Variants in ZBTB48 observed in about 807,000 individuals in gnomAD.
The protein encoded by ZBTB48 is zinc finger and BTB domain-containing protein 48.
ZBTB48 carries 35 observed loss-of-function variants against 64.5 expected under a neutral mutation model. The observed-to-expected ratio is 0.54, with a 90% confidence interval of 0.41 to 0.72. The LOEUF (loss-of-function observed/expected upper bound fraction) is 0.72, where lower values mean the gene tolerates loss of function less well. ZBTB48 is among the 30% of genes least tolerant of loss of function. The pLI is 0.00. For synonymous variants in ZBTB48, 442 were observed against 356.7 expected (o/e 1.24, Z -2.70); for missense variants, 828 against 895.3 (o/e 0.92, Z 0.96).
Position 6,580,521 on chromosome 1 carries a change from T to C in ZBTB48, c.-69-20T>C, listed in dbSNP as rs543008161. 11 of 1,398,352 alleles carry C rather than the reference T, an allele frequency of 7.9e-6. No individual in the cohort carries two copies. The South Asian group carries it at 1.5e-4, about 19-fold the overall frequency. 86.6% of individuals were successfully genotyped at this position (1,398,352 alleles called of 1,614,324 possible). A position where few individuals can be genotyped will look rare whatever the true frequency, so the allele number is the denominator to read the frequency against. On this transcript the variant is annotated intron_variant, in intron 1 of 10. Transcript: ENST00000377674. The surrounding 1 kb of genome is among the most constrained non-coding windows in gnomAD (Gnocchi z 5.2). ...TATTTGAGTAGAGGCCAACTTCCCGTTTCTCTCTCTTGACTCCAGGAGCTT... is the reference window on the plus strand; with the variant it reads ...TATTTGAGTAGAGGCCAACTTCCCGCTTCTCTCTCTTGACTCCAGGAGCTT...
intron 7 of ZBTB48, 70 bp downstream of exon 7, chr1:6,587,702 CAG>C (rs915875752): frequency 6.3e-6 from 10 of 1,588,012 alleles, no homozygotes; most frequent in South Asian, 3.4e-5. Context: ...GCAGGGAAGA[CAG>C]AGTTTGCTGA....
Position 6,580,399 on chromosome 1 carries a change from C to G in ZBTB48, c.-69-142C>G, listed in dbSNP as rs1640393309. On this transcript the variant is annotated intron_variant, in intron 1 of 10. Transcript: ENST00000377674. The surrounding 1 kb of genome is among the most constrained non-coding windows in gnomAD (Gnocchi z 5.2). Reference sequence around the variant, plus strand: ...CATCCAGCATCCCCCCTGGCCAATCCAATATGGCCCCCGGCCCCCGGGAGG... The same window carrying G: ...CATCCAGCATCCCCCCTGGCCAATCGAATATGGCCCCCGGCCCCCGGGAGG... The G allele has an allele frequency of 1.6e-6, 1 of 607,386 alleles. No individual in the cohort carries two copies. The highest frequency in any genetic ancestry group is 3.0e-5 in the Admixed American group (1 of 33,628). The allele number at this position is 607,386 out of a possible 1,614,324, so 37.6% of individuals were successfully genotyped here.
rs112580327 is a variant in ZBTB48 at position 6,588,737 on chromosome 1, G to C, written c.1682-19G>C. 775 of 1,613,832 alleles carry C rather than the reference G, an allele frequency of 4.8e-4. 2 individuals carry two copies. The African/African-American group carries it at 8.2e-3, about 17-fold the overall frequency. ...CCGGGGCTCCTGCATGATCCCCCAC[G>C]GTGTTCTCCCTCTTGCAGCCGTGGA... On this transcript the variant is annotated intron_variant, in intron 9 of 10. Transcript: ENST00000377674.
At chr1:6,581,421 G>A in intron 2 of ZBTB48, 122 bp downstream of exon 2, 1 of 1,117,706 alleles carries the variant, frequency 8.9e-7, no homozygotes, top group African/African-American at 1.6e-5. Context: ...TAGCACTTTG[G>A]GAGGCCAAGG....
At position 6,585,902 on chromosome 1, in the gene ZBTB48, G is replaced by A; in HGVS notation, c.933-17G>A. The A allele has an allele frequency of 2.5e-6, 4 of 1,613,308 alleles. No individual in the cohort carries two copies. In the South Asian group the frequency reaches 4.4e-5, roughly 18 times the overall value. ...AAACCCTCTCAGCCCCCCCACCCCT[G>A]TGGCTTCTCCTGGCAGGAAACATAC... On this transcript the variant is annotated splice_polypyrimidine_tract_variant and intron_variant, in intron 3 of 10. Transcript: ENST00000377674.
Position 6,587,481 on chromosome 1 carries a change from C to A in ZBTB48, c.1228C>A (p.Pro410Thr), listed in dbSNP as rs1557426661. 1.2e-6 allele frequency: 2 copies of A among 1,613,882 alleles called. No homozygotes were observed. The highest frequency in any genetic ancestry group is 1.7e-5 in the Admixed American group (1 of 60,022). ...LHGAPKPHAC[P>T]TCAKCFLSRT... ...TGCCTGCCTGGTCTGCCTGCAGTGC[C>A]CCACCTGTGCCAAGTGCTTCCTGTC... The change falls in exon 7 of 11, where the codon CCC becomes ACC. Residue 410 changes from proline (P) to threonine (T), a missense_variant. By Grantham distance (38) the Pro-to-Thr change is conservative. Coordinates refer to ENST00000377674, the MANE Select transcript of ZBTB48 (RefSeq NM_005341.4).
chr1:6,587,755 T>C, intron 7 of ZBTB48, 123 bp downstream of exon 7: 1 of 1,459,988 alleles, frequency 6.8e-7, no homozygotes, highest in South Asian at 1.3e-5. Flanking sequence ...CCACCCTGAA[T>C]CTAGTGCCTA....
chr1:6,583,580 T>G (rs1478172105), intron 3 of ZBTB48, among the ~76,000 whole-genome samples: 1 of 150,966 alleles, frequency 6.6e-6, no homozygotes, highest in Non-Finnish European at 1.5e-5. Context: ...ACTACAGGCA[T>G]GAGCCACTGC....
At chr1:6,583,730 A>G (rs1370709875) in intron 3 of ZBTB48, among the ~76,000 whole-genome samples, 1 of 147,508 alleles carries the variant, frequency 6.8e-6, no homozygotes, top group Non-Finnish European at 1.5e-5. Flanking sequence ...CCTCCTCAGT[A>G]GCTGGGACTA....
At chr1:6,586,449 G>A in intron 4 of ZBTB48, 3 of 717,930 alleles carry the variant, frequency 4.2e-6, no homozygotes, top group Non-Finnish European at 6.3e-6. Flanking sequence ...GCCAGGGACT[G>A]TGGGTGAGGC....
In ZBTB48 at chr1:6,589,272, A is replaced by C. The variant is rs1640797487; in HGVS notation, c.*60A>C. On this transcript the variant is annotated 3_prime_UTR_variant, in exon 11 of 11. Transcript: ENST00000377674. ...CCCTCAATAAACCGTGTGGCTTTGG[A>C]CTCTCGTATTTCAGCCTGACAGTCT... 1 of 1,457,458 alleles carries C rather than the reference A, an allele frequency of 6.9e-7. No individual in the cohort carries two copies. The highest frequency in any genetic ancestry group is 2.5e-5 in the Admixed American group (1 of 39,218). 90.3% of individuals were successfully genotyped at this position (1,457,458 alleles called of 1,614,324 possible). A position where few individuals can be genotyped will look rare whatever the true frequency, so the allele number is the denominator to read the frequency against.
intron 2 of ZBTB48, among the ~76,000 whole-genome samples, chr1:6,581,521 G>A (rs1404285784): frequency 6.6e-6 from 1 of 151,964 alleles, no homozygotes; most frequent in Non-Finnish European, 1.5e-5. Context: ...AAAATTAGCC[G>A]GGTGTGGTGG....
At position 6,589,063 on chromosome 1, in the gene ZBTB48, G is replaced by A. The variant is rs1391794728; in HGVS notation, c.1918G>A (p.Glu640Lys). Residue 640 changes from glutamate to lysine, a missense_variant, in exon 11 of 11, where the codon GAG becomes AAG. By Grantham distance (56) the Glu-to-Lys change is moderately conservative (BLOSUM62 1). Transcript: ENST00000377674. ...PPAELEVGSA[E>K]VIVESLAQGG... ...TGCAGAGCTGGAGGTGGGCTCGGCG[G>A]AGGTCATTGTGGAGTCCCTGGCCCA... 11 of 1,606,398 alleles carry A rather than the reference G, an allele frequency of 6.8e-6. No individual in the cohort carries two copies. Among genetic ancestry groups the A allele is most frequent in the Non-Finnish European group, 9.3e-6 (11 of 1,177,010 alleles).
chr1:6,589,057 T>C lies in ZBTB48; in HGVS notation c.1912T>C (p.Ser638Pro). 6.2e-7 allele frequency: 1 copy of C among 1,601,936 alleles called. No individual in the cohort carries two copies. The highest frequency in any genetic ancestry group is 2.2e-5 in the East Asian group (1 of 44,780). ...LQPPAELEVGSAEVIVESLAQ... is the reference protein window; with the variant it reads ...LQPPAELEVGPAEVIVESLAQ... ...GCCGCCTGCAGAGCTGGAGGTGGGC[T>C]CGGCGGAGGTCATTGTGGAGTCCCT... The change falls in exon 11 of 11, where the codon TCG becomes CCG. Residue 638 changes from serine (S) to proline (P), a missense_variant. By Grantham distance (74) the Ser-to-Pro change is moderately conservative. Coordinates refer to ENST00000377674, the MANE Select transcript of ZBTB48 (RefSeq NM_005341.4).
chr1:6,588,977 G>A lies in ZBTB48; in HGVS notation c.1832G>A (p.Arg611His), dbSNP rs751636477. The A allele has an allele frequency of 3.7e-6, 6 of 1,600,520 alleles. No individual in the cohort carries two copies. The highest frequency in any genetic ancestry group is 4.3e-6 in the Non-Finnish European group (5 of 1,172,052). ...GTAGAGAACTACAACCCGCGGCAGC[G>A]CAAGCTCCGCAACCTGATCATCGAG... ...DRVENYNPRQ[R>H]KLRNLIIEDE... Residue 611 changes from arginine to histidine, a missense_variant, in exon 11 of 11, where the codon CGC (arginine) becomes CAC (histidine). Transcript: ENST00000377674.
rs1471353227 is a variant in ZBTB48 at position 6,588,452 on chromosome 1, CG to C, written c.1681+12del. 1 of 1,506,192 alleles carries C rather than the reference CG, an allele frequency of 6.6e-7. No homozygotes were observed. Among genetic ancestry groups the C allele is most frequent in the East Asian group, 2.4e-5 (1 of 42,304 alleles). 93.3% of individuals were successfully genotyped at this position (1,506,192 alleles called of 1,614,324 possible). ...GGCAAGACCTTCAAAGGTACCTGGG[CG>C]GCCCTGGGAGAGCCATTTCCTGCTC... On this transcript the variant is annotated intron_variant, in intron 9 of 10. Transcript: ENST00000377674.
intron 4 of ZBTB48, chr1:6,586,315 T>A (rs1001540873): frequency 9.8e-6 from 5 of 511,068 alleles, no homozygotes; most frequent in African/African-American, 7.6e-5. Flanking sequence ...GGGGAGCCGC[T>A]ACAGGGGATG....
At chr1:6,582,655 C>T (rs1430504565) in intron 3 of ZBTB48, among the ~76,000 whole-genome samples, 1 of 152,128 alleles carries the variant, frequency 6.6e-6, no homozygotes, top group Non-Finnish European at 1.5e-5. Context: ...TGAAGCCTGG[C>T]AGTGTGGGCT....
chr1:6,585,873 T>G (rs1387985782), intron 3 of ZBTB48, 46 bp from the exon 4 acceptor site: 22 of 1,582,734 alleles, frequency 1.4e-5, no homozygotes, highest in Non-Finnish European at 1.8e-5. Context: ...GAGGGAGAGA[T>G]GGGAAACCCT....
Sources: gnomAD v4.1 joint callset for allele counts (sites outside exome capture counted in the v4.1 genomes callset) on GRCh38, gnomAD v4.1.1 for gene constraint, Gnocchi (gnomAD v3.1) non-coding constraint, MANE v1.5 for transcripts, NCBI Gene and HGNC (gene_info 2026-07-23, HGNC 2026-07-21) for gene names.